The following SCUBE2 variants were observed in gnomAD, a reference collection of about 807,000 sequenced individuals.
SCUBE2 encodes signal peptide, CUB and EGF-like domain-containing protein 2.
SCUBE2 carries 114 observed loss-of-function variants against 125.9 expected under a neutral mutation model. The observed-to-expected ratio is 0.91, with a 90% CI of 0.78 to 1.06. The LOEUF (loss-of-function observed/expected upper bound fraction) is 1.06. SCUBE2 is among the 50% of genes least tolerant of loss of function. SCUBE2 has a pLI of 0.00. For synonymous variants in SCUBE2, 459 were observed against 492.9 expected (o/e 0.93, Z 0.91); for missense variants, 1,255 against 1,301.8 (o/e 0.96, Z 0.55).
intron 5 of SCUBE2, 145 bp from the exon 6 acceptor site, chr11:9,066,958 C>T: frequency 1.5e-6 from 1 of 654,782 alleles, no homozygotes; most frequent in East Asian, 2.7e-5. Flanking sequence ...AGACATAACT[C>T]CAAGTCAGAC....
chr11:9,054,892 G>A (rs1013898410), intron 10 of SCUBE2, among the ~76,000 whole-genome samples: 5 of 151,122 alleles, frequency 3.3e-5, no homozygotes, highest in South Asian at 4.2e-4. Context: ...GCGCCACCAC[G>A]CCCGGCTAAT....
Position 9,021,120 on chromosome 11 carries a change from G to A in SCUBE2, c.3012C>T (p.Ser1004=). 1 of 1,613,764 alleles carries A rather than the reference G, an allele frequency of 6.2e-7. No homozygotes were observed. The highest frequency in any genetic ancestry group is 8.5e-7 in the Non-Finnish European group (1 of 1,179,842). Residue 1004 remains serine (S), a synonymous_variant, in exon 23 of 23, where the codon TCC becomes TCT. Transcript: ENST00000649792. The part of the protein sequence containing the change: ...QNYFKYTAQE[S]REMFPRSFIR... ...TGAACGATCTTGGAAACATCTCTCGGGACTCCTGGGCTGTGTACTTGAAAT... is the reference window on the plus strand; with the variant it reads ...TGAACGATCTTGGAAACATCTCTCGAGACTCCTGGGCTGTGTACTTGAAAT...
At chr11:9,022,374 T>C (rs1176450034) in intron 21 of SCUBE2, among the ~76,000 whole-genome samples, 1 of 152,178 alleles carries the variant, frequency 6.6e-6, no homozygotes, top group East Asian at 1.9e-4. Flanking sequence ...AATCCCTCCC[T>C]TGACCTCATT....
intron 16 of SCUBE2, among the ~76,000 whole-genome samples, chr11:9,045,602 GACAGACAGACACACACACACACACACAC>G (rs1482664403): frequency 1.3e-5 from 1 of 75,396 alleles, no homozygotes; most frequent in Non-Finnish European, 3.0e-5. Flanking sequence ...CTAGAAGACA[GACAGACAGACACACACACACACACACAC>G]ACACACACAC....
At chr11:9,071,281 T>C (rs1330567797) in intron 4 of SCUBE2, among the ~76,000 whole-genome samples, 2 of 152,242 alleles carry the variant, frequency 1.3e-5, no homozygotes, top group East Asian at 3.8e-4. Flanking sequence ...ATTTGCAAAG[T>C]GACCTTTACT....
At chr11:9,024,822 C>T (rs749566771) in intron 21 of SCUBE2, among the ~76,000 whole-genome samples, 4 of 152,228 alleles carry the variant, frequency 2.6e-5, no homozygotes, top group African/African-American at 7.2e-5. Flanking sequence ...AAATTAACTG[C>T]TGCTGCTGCT....
chr11:9,027,165 C>A, intron 20 of SCUBE2, 199 bp downstream of exon 20: 1 of 596,118 alleles, frequency 1.7e-6, no homozygotes, highest in Non-Finnish European at 3.0e-6. Flanking sequence ...AGGATCACTA[C>A]CTCTGGGGCC....
intron 16 of SCUBE2, among the ~76,000 whole-genome samples, chr11:9,043,801 T>C (rs1857446134): frequency 6.9e-6 from 1 of 143,990 alleles, no homozygotes; most frequent in Non-Finnish European, 1.5e-5. Context: ...TTAAAATGAC[T>C]ATTTTTTTTT....
intron 2 of SCUBE2, among the ~76,000 whole-genome samples, chr11:9,085,042 T>G (rs1038195110): frequency 6.6e-6 from 1 of 152,156 alleles, no homozygotes; most frequent in Non-Finnish European, 1.5e-5. Flanking sequence ...CCACTGCACC[T>G]GGCCTCATAT....
chr11:9,071,247 C>G (rs1860773992), intron 4 of SCUBE2, among the ~76,000 whole-genome samples: 1 of 152,234 alleles, frequency 6.6e-6, no homozygotes, highest in Non-Finnish European at 1.5e-5. Flanking sequence ...TGCTTTTTCA[C>G]TCTGTTTACA....
At chr11:9,033,884 G>T in intron 16 of SCUBE2, 88 bp from the exon 17 acceptor site, 1 of 1,347,344 alleles carries the variant, frequency 7.4e-7, no homozygotes, top group Non-Finnish European at 1.0e-6. Context: ...CAAATAGATG[G>T]CACTGACCAC....
Position 9,055,778 on chromosome 11 carries a change from G to C in SCUBE2, c.1207+15C>G, listed in dbSNP as rs1166844832. On this transcript the variant is annotated intron_variant, in intron 10 of 22. Coordinates refer to ENST00000649792, the MANE Select transcript of SCUBE2 (RefSeq NM_001367977.2). ...CCTCATTCCCCTCCCAACTTGACAG[G>C]GGCAGTCTGCTCACCTCCACAGTGG... The C allele has an allele frequency of 1.2e-6, 2 of 1,603,954 alleles. No homozygotes were observed. The highest frequency in any genetic ancestry group is 1.7e-5 in the Admixed American group (1 of 59,980).
rs1257117761 is a variant in SCUBE2, at chr11:9,085,897, A to G, written c.256+3810T>C. Among the ~76,000 whole-genome samples the G allele has an allele frequency of 2.6e-5, 4 of 151,574 alleles. No homozygotes were observed. In the East Asian group the frequency reaches 7.8e-4, roughly 29 times the overall value. ...GCCCAGGCTGGAGTGCAGTGGCGCA[A>G]TCACAGCTCACTGCAACCTCCACCT... On this transcript the variant is annotated intron_variant, in intron 2 of 22. Coordinates refer to ENST00000649792, the MANE Select transcript of SCUBE2 (RefSeq NM_001367977.2).
chr11:9,087,745 T>C (rs138703320), intron 2 of SCUBE2, among the ~76,000 whole-genome samples: 2 of 152,338 alleles, frequency 1.3e-5, no homozygotes, highest in Non-Finnish European at 1.5e-5. Context: ...TTGCTGTCTA[T>C]ATTTTCTTTT....
At chr11:9,075,696 G>C (rs1230232026) in intron 3 of SCUBE2, among the ~76,000 whole-genome samples, 1 of 152,236 alleles carries the variant, frequency 6.6e-6, no homozygotes, top group African/African-American at 2.4e-5. Context: ...CAGGACAGAG[G>C]GAGGGGAAGA....
intron 19 of SCUBE2, 133 bp downstream of exon 19, chr11:9,029,751 G>T: frequency 1.0e-6 from 1 of 952,674 alleles, no homozygotes; most frequent in Non-Finnish European, 1.6e-6. Flanking sequence ...CTGCATGGCT[G>T]TGAGCTGGGC....
chr11:9,048,551 C>T (rs765118983), intron 14 of SCUBE2, among the ~76,000 whole-genome samples: 10 of 152,200 alleles, frequency 6.6e-5, no homozygotes, highest in Middle Eastern at 3.2e-3. Flanking sequence ...GCAAACTGAC[C>T]TTGGAGTCAT....
intron 3 of SCUBE2, among the ~76,000 whole-genome samples, chr11:9,078,378 G>A (rs572672415): frequency 6.6e-6 from 1 of 152,322 alleles, no homozygotes; most frequent in African/African-American, 2.4e-5. Context: ...TGGAGCTCCA[G>A]GAGACACTGA....
Position 9,091,185 on chromosome 11 carries a change from C to G in SCUBE2, c.133+211G>C, listed in dbSNP as rs1461442440. 1.3e-5 allele frequency among the ~76,000 whole-genome samples: 2 copies of G among 152,152 alleles called. No homozygotes were observed. The highest frequency in any genetic ancestry group is 4.8e-5 in the African/African-American group (2 of 41,458). ...GCGGGAACCGTCAGCAGCTCCGGGT[C>G]CGAGGCCGGGCCGAAGGACTCAGGG... is the stretch of plus-strand genomic sequence containing the variant. On this transcript the variant is annotated intron_variant, in intron 1 of 22. Coordinates refer to ENST00000649792, the MANE Select transcript of SCUBE2 (RefSeq NM_001367977.2). This position sits in a 1 kb window ranked among gnomAD's most constrained non-coding sequence, Gnocchi z 8.5.
Sources: allele counts gnomAD v4.1 joint callset (sites outside exome capture counted in the v4.1 genomes callset), GRCh38; gene constraint gnomAD v4.1.1; non-coding constraint Gnocchi (gnomAD v3.1); transcripts MANE v1.5; gene names NCBI Gene and HGNC (gene_info 2026-07-23, HGNC 2026-07-21).